The following ACSM1 variants were observed in gnomAD, a reference collection of about 807,000 sequenced individuals.
ACSM1 encodes acyl-CoA synthetase medium chain family member 1, also known as acyl-coenzyme A synthetase ACSM1, mitochondrial.
ACSM1 carries 79 observed loss-of-function variants against 75.8 expected under a neutral mutation model. That is an observed-to-expected ratio of 1.04 (90% CI 0.87 to 1.26). ACSM1 has a LOEUF of 1.26. ACSM1 is among the 50% of genes most tolerant of loss of function. The pLI, the probability that ACSM1 is intolerant of heterozygous loss-of-function variation, is 0.00. For missense variants in ACSM1, 676 were observed against 720.1 expected, an observed-to-expected ratio of 0.94 and a Z score of 0.70; for synonymous variants, 279 against 265.8, an observed-to-expected ratio of 1.05 and a Z score of -0.48.
intron 7 of ACSM1, among the ~76,000 whole-genome samples, chr16:20,644,764 G>A (rs1017609773): frequency 6.6e-6 from 1 of 152,210 alleles, no homozygotes; most frequent in Non-Finnish European, 1.5e-5. Context: ...CTTATAGACA[G>A]CAAAAGATAA....
chr16:20,651,732 C>CA (rs1285042813), intron 7 of ACSM1, among the ~76,000 whole-genome samples: 5 of 151,730 alleles, frequency 3.3e-5, no homozygotes, highest in Admixed American at 6.6e-5. Context: ...AGATACTAAA[C>CA]AAAAAAAACT....
chr16:20,642,233 G>A (rs897122585), intron 7 of ACSM1, among the ~76,000 whole-genome samples: 16 of 152,142 alleles, frequency 1.1e-4, no homozygotes, highest in Admixed American at 7.2e-4. Context: ...GGAAGAGGAG[G>A]ACAAGTGTAA....
chr16:20,660,649 T>C (rs2019247790), intron 7 of ACSM1, among the ~76,000 whole-genome samples: 1 of 152,190 alleles, frequency 6.6e-6, no homozygotes, highest in South Asian at 2.1e-4. Context: ...TGAAGCTTCA[T>C]GAGTAAAATC....
intron 4 of ACSM1, among the ~76,000 whole-genome samples, chr16:20,678,127 G>A (rs2079349950): frequency 6.6e-6 from 1 of 152,236 alleles, no homozygotes; most frequent in African/African-American, 2.4e-5. Flanking sequence ...TTCCCCTTCT[G>A]TAGATCCCAA....
intron 10 of ACSM1, among the ~76,000 whole-genome samples, chr16:20,627,915 T>C (rs2017085131): frequency 3.7e-5 from 3 of 80,946 alleles, no homozygotes; most frequent in African/African-American, 1.2e-4. Flanking sequence ...TATATATATA[T>C]ATATATATTC....
chr16:20,676,678 T>C (rs551373171), intron 4 of ACSM1, among the ~76,000 whole-genome samples: 2 of 152,128 alleles, frequency 1.3e-5, no homozygotes, highest in Non-Finnish European at 2.9e-5. Flanking sequence ...GAAGAGAAGC[T>C]GGCTTTGCAA....
At chr16:20,634,017 T>G (rs1048563288) in intron 10 of ACSM1, among the ~76,000 whole-genome samples, 1 of 152,316 alleles carries the variant, frequency 6.6e-6, no homozygotes, top group Admixed American at 6.5e-5. Context: ...CAGTGTGGTA[T>G]TGGCATAAAG....
Position 20,691,132 on chromosome 16 carries a change from G to A in ACSM1, c.57C>T (p.Asn19=). 1 of 1,613,108 alleles carries A rather than the reference G, an allele frequency of 6.2e-7. No individual in the cohort carries two copies. The highest frequency in any genetic ancestry group is 1.1e-5 in the South Asian group (1 of 90,794). The part of the protein sequence containing the change: ...TLWGIHKSFH[N]IHPAPSQLRC... ...GCAGCTGTGAAGGGGCAGGGTGGATGTTGTGGAAGGATTTGTGGATGCCCC... is the reference window on the plus strand; with the variant it reads ...GCAGCTGTGAAGGGGCAGGGTGGATATTGTGGAAGGATTTGTGGATGCCCC... The change falls in exon 2 of 14, where the codon AAC becomes AAT. Residue 19 remains asparagine, a synonymous_variant. Transcript: ENST00000520010.
At chr16:20,623,664 C>T (rs985830406) in intron 13 of ACSM1, 92 bp from the exon 14 acceptor site, 17 of 1,271,138 alleles carry the variant, frequency 1.3e-5, no homozygotes, top group Non-Finnish European at 1.9e-5. Flanking sequence ...TCCACAGTCT[C>T]CCATGCAGGC....
intron 7 of ACSM1, among the ~76,000 whole-genome samples, chr16:20,642,377 C>T (rs1174919333): frequency 6.6e-6 from 1 of 152,206 alleles, no homozygotes; most frequent in Non-Finnish European, 1.5e-5. Flanking sequence ...GCCACATCCT[C>T]TCTCTCCTCT....
chr16:20,649,270 G>A (rs984591324), intron 7 of ACSM1, among the ~76,000 whole-genome samples: 1 of 152,070 alleles, frequency 6.6e-6, no homozygotes, highest in African/African-American at 2.4e-5. Flanking sequence ...CTCATCAGAT[G>A]GGTTTTATTT....
At chr16:20,642,855 T>C (rs1006581497) in intron 7 of ACSM1, among the ~76,000 whole-genome samples, 6 of 152,222 alleles carry the variant, frequency 3.9e-5, no homozygotes, top group Admixed American at 6.5e-5. Context: ...GAAAGAGATA[T>C]ACAAGTAGTT....
chr16:20,634,097 A>G (rs2017510726), intron 10 of ACSM1, among the ~76,000 whole-genome samples: 1 of 152,210 alleles, frequency 6.6e-6, no homozygotes, highest in South Asian at 2.1e-4. Context: ...AATTGATTTA[A>G]GTATAGGTGC....
intron 12 of ACSM1, among the ~76,000 whole-genome samples, chr16:20,624,884 A>T (rs2016820448): frequency 6.6e-6 from 1 of 151,262 alleles, no homozygotes; most frequent in Admixed American, 6.6e-5. Flanking sequence ...CACCTGGCTA[A>T]TTTTTTTTGT....
Sources: allele counts gnomAD v4.1 joint callset (sites outside exome capture counted in the v4.1 genomes callset), GRCh38; gene constraint gnomAD v4.1.1; transcripts MANE v1.5; gene names NCBI Gene and HGNC (gene_info 2026-07-23, HGNC 2026-07-21).